Variants in PPP2R3B observed in about 807,000 individuals in gnomAD.
PPP2R3B encodes serine/threonine-protein phosphatase 2A regulatory subunit B'' subunit beta.
Under a neutral mutation model 72.9 loss-of-function variants are expected in PPP2R3B, and 68 were observed. The observed-to-expected ratio is 0.93, with a 90% CI of 0.77 to 1.14. PPP2R3B has a LOEUF of 1.14. Ranked by LOEUF, PPP2R3B falls within the 50% of genes most tolerant of loss-of-function variation. The pLI is 0.00. For synonymous variants in PPP2R3B, 466 were observed against 375.8 expected (o/e 1.24, Z -2.78); for missense variants, 1,018 against 842.0 (o/e 1.21, Z -2.59).
chrX:341,400 G>A lies in PPP2R3B; in HGVS notation c.1086-4C>T, dbSNP rs1385060419. ...TTCCTTCTGCACTTTTCTGCCTCTA[G>A]ATCGAAAGCCAGGATGGAGAGACGA... is the stretch of plus-strand genomic sequence containing the variant. On this transcript the variant is annotated splice_region_variant and splice_polypyrimidine_tract_variant and intron_variant, in intron 8 of 12. Transcript: ENST00000390665. 1.9e-6 allele frequency: 3 copies of A among 1,612,348 alleles called. No homozygotes were observed. The highest frequency in any genetic ancestry group is 1.7e-6 in the Non-Finnish European group (2 of 1,179,570).
intron 2 of PPP2R3B, among the ~76,000 whole-genome samples, chrX:351,667 G>A (rs959859304): frequency 2.3e-5 from 3 of 128,622 alleles, no homozygotes; most frequent in African/African-American, 5.8e-5. Context: ...TGCCCAGGCT[G>A]GAGTGCAGTG....
rs775512066 is a variant in PPP2R3B at position 383,116 on chromosome X, G to A, written c.324+3252C>T. Among the ~76,000 whole-genome samples the A allele has an allele frequency of 1.4e-4, 21 of 152,246 alleles. No individual in the cohort carries two copies. The South Asian group carries it at 2.9e-3, about 21-fold the overall frequency. On this transcript the variant is annotated intron_variant, in intron 1 of 12. Coordinates refer to ENST00000390665, the MANE Select transcript of PPP2R3B (RefSeq NM_013239.5). ...GGGATCTGGAGGGCCTGAGCCAGAC[G>A]GTCTCCAAGCTGCCTCTAGCTCTAG...
chrX:341,929 G>A lies in PPP2R3B; in HGVS notation c.1039C>T (p.Leu347Phe), dbSNP rs190650453. 6.2e-7 allele frequency: 1 copy of A among 1,612,596 alleles called. No individual in the cohort carries two copies. Among genetic ancestry groups the A allele is most frequent in the Non-Finnish European group, 8.5e-7 (1 of 1,179,760 alleles). The change falls in exon 8 of 13, where the codon CTT becomes TTT. Residue 347 changes from leucine to phenylalanine, a missense_variant and splice_region_variant. Leu to Phe is a conservative substitution (Grantham distance 22). Transcript: ENST00000390665. ...DDLARHNDHA[L>F]STKMIDRIFS... ...ATCCTGTCTATCATCTTGGTAGAAA[G>A]GGCTGGAAAGGAATGCGGTTGATGG...
chrX:340,859 C>G lies in PPP2R3B; in HGVS notation c.1257G>C (p.Glu419Asp). ...SMFELEYFYE[E>D]QCRRLDSMAI... ...CCATGCTGTCCAGCCTTCGGCACTG[C>G]TCCTCGTAGAAGTACTCGAGCTCGA... is the stretch of plus-strand genomic sequence containing the variant. Residue 419 changes from glutamate (E) to aspartate (D), a missense_variant, in exon 10 of 13, where the codon GAG (glutamate) becomes GAC (aspartate). Glu to Asp is a conservative substitution (Grantham distance 45). Transcript: ENST00000390665. The G allele has an allele frequency of 9.9e-6, 16 of 1,612,176 alleles. No homozygotes were observed. Among genetic ancestry groups the G allele is most frequent in the Non-Finnish European group, 1.4e-5 (16 of 1,179,698 alleles).
At chrX:362,013 G>A (rs2071552235) in intron 1 of PPP2R3B, among the ~76,000 whole-genome samples, 3 of 152,168 alleles carry the variant, frequency 2.0e-5, no homozygotes. Context: ...GAGCTCAGAC[G>A]TGGAGAGGCA....
intron 10 of PPP2R3B, among the ~76,000 whole-genome samples, chrX:339,272 C>T (rs748312474): frequency 7.4e-5 from 10 of 134,416 alleles, no homozygotes; most frequent in African/African-American, 2.8e-4. Context: ...GCCCCATGGC[C>T]GGGGGGGGCA....
At chrX:362,256 C>G (rs1403425397) in intron 1 of PPP2R3B, 1 of 154,188 alleles carries the variant, frequency 6.5e-6, no homozygotes, top group East Asian at 1.9e-4. Context: ...AACACTCACT[C>G]AAGAGTCTCC....
chrX:351,780 C>T (rs1569393441), intron 2 of PPP2R3B, among the ~76,000 whole-genome samples: 1 of 152,202 alleles, frequency 6.6e-6, no homozygotes, highest in Non-Finnish European at 1.5e-5. Flanking sequence ...TCAGTGCAGT[C>T]TCAACTTCAC....
chrX:386,367 C>A lies in PPP2R3B; in HGVS notation c.324+1G>T. The A allele has an allele frequency of 7.6e-7, 1 of 1,314,226 alleles. No individual in the cohort carries two copies. Among genetic ancestry groups the A allele is most frequent in the Non-Finnish European group, 9.8e-7 (1 of 1,024,600 alleles). The allele number at this position is 1,314,226 out of a possible 1,614,324, so 81.4% of individuals were successfully genotyped here. On this transcript the variant is annotated splice_donor_variant, in intron 1 of 12. Coordinates refer to ENST00000390665, the MANE Select transcript of PPP2R3B (RefSeq NM_013239.5). LOFTEE classifies it high-confidence loss of function. ...TGTTAGCAGAAGGAAGAGTAACTTA[C>A]TACTCTCGTCCCTGCGGATCTACGG...
At chrX:363,510 G>C (rs866845923) in intron 1 of PPP2R3B, among the ~76,000 whole-genome samples, 2 of 71,188 alleles carry the variant, frequency 2.8e-5, no homozygotes, top group African/African-American at 5.4e-5. Flanking sequence ...GCATCTCCCC[G>C]AGCCCGCGAT....
chrX:334,316 C>A lies in PPP2R3B; in HGVS notation c.*51G>T. 1 of 1,432,582 alleles carries A rather than the reference C, an allele frequency of 7.0e-7. No individual in the cohort carries two copies. Among genetic ancestry groups the A allele is most frequent in the Non-Finnish European group, 9.1e-7 (1 of 1,098,312 alleles). 88.7% of individuals were successfully genotyped at this position (1,432,582 alleles called of 1,614,324 possible). On this transcript the variant is annotated 3_prime_UTR_variant, in exon 13 of 13. Transcript: ENST00000390665. ...AGTTTTTACACGAGCCGCGGTGGCC[C>A]GGTGGTGGCACGTGGGGAGCGGCCC...
intron 2 of PPP2R3B, among the ~76,000 whole-genome samples, chrX:358,157 G>A (rs2738325): frequency 0.13 from 20,385 of 152,046 alleles, 1,811 homozygotes; most frequent in Admixed American, 0.22. Context: ...TGGGCCGGGG[G>A]CCCGGCTCAC....
chrX:349,015 C>T (rs1012872163), intron 2 of PPP2R3B, among the ~76,000 whole-genome samples: 7 of 152,062 alleles, frequency 4.6e-5, no homozygotes, highest in Non-Finnish European at 8.8e-5. Context: ...GCAAGTCCAA[C>T]TCGGCAATAA....
intron 1 of PPP2R3B, among the ~76,000 whole-genome samples, chrX:380,969 T>TTTG (rs2072111883): frequency 1.3e-5 from 2 of 150,742 alleles, no homozygotes; most frequent in Non-Finnish European, 3.0e-5. Flanking sequence ...AGAGTCTCAC[T>TTTG]TTGTTGCCCC....
intron 10 of PPP2R3B, among the ~76,000 whole-genome samples, chrX:339,279 G>GGC: frequency 6.7e-6 from 1 of 149,884 alleles, no homozygotes. Flanking sequence ...GGCCGGGGGG[G>GGC]GCAGGGCTGC....
At chrX:363,402 A>ATCTCTCCGAGCCCACC (rs2071591693) in intron 1 of PPP2R3B, among the ~76,000 whole-genome samples, 1 of 5,332 alleles carries the variant, frequency 1.9e-4, no homozygotes, top group Admixed American at 2.5e-3. Flanking sequence ...CCGAGCCCGC[A>ATCTCTCCGAGCCCACC]ATCCCACAGT....
At chrX:339,247 T>C (rs2070986550) in intron 10 of PPP2R3B, among the ~76,000 whole-genome samples, 1 of 122,272 alleles carries the variant, frequency 8.2e-6, no homozygotes, top group Non-Finnish European at 1.7e-5. Context: ...CCGGGGACAC[T>C]GAGCAGCAGG....
At chrX:338,168 C>A (rs1433211429) in intron 12 of PPP2R3B, 2 of 286,318 alleles carry the variant, frequency 7.0e-6, no homozygotes, top group Admixed American at 4.6e-5. Context: ...AACCCTCACG[C>A]TCCGTGAGAA....
intron 2 of PPP2R3B, among the ~76,000 whole-genome samples, chrX:353,752 C>T (rs1023575931): frequency 1.3e-5 from 2 of 151,644 alleles, no homozygotes; most frequent in Non-Finnish European, 2.9e-5. Context: ...GCTGGGGGCT[C>T]ACCCAAAGAC....
Sources: gnomAD v4.1 joint callset for allele counts (sites outside exome capture counted in the v4.1 genomes callset) on GRCh38, gnomAD v4.1.1 for gene constraint, MANE v1.5 for transcripts, NCBI Gene and HGNC (gene_info 2026-07-23, HGNC 2026-07-21) for gene names.